POMT1: variants seen among roughly 807,000 people sequenced by gnomAD.
The protein encoded by POMT1 is protein O-mannosyltransferase 1, also known as protein O-mannosyl-transferase 1.
A neutral mutation model predicts 101.6 loss-of-function variants in POMT1; 85 were observed. The ratio of observed to expected loss-of-function variants is 0.84; its 90% CI spans 0.70 to 1.00. POMT1 has a LOEUF of 1.00. Among genes scored for constraint, POMT1 ranks in the 50% least tolerant of loss-of-function variants. The pLI is 0.00. For synonymous variants in POMT1, 371 were observed against 383.0 expected, an observed-to-expected ratio of 0.97 and a Z score of 0.37; for missense variants, 857 against 930.4, an observed-to-expected ratio of 0.92 and a Z score of 1.03.
Position 131,523,087 on chromosome 9 carries a change from T to C in POMT1, c.2159T>C (p.Ile720Thr), listed in dbSNP as rs1950295000. The C allele has an allele frequency of 1.2e-6, 2 of 1,611,398 alleles. No homozygotes were observed. Among genetic ancestry groups the C allele is most frequent in the African/African-American group, 2.7e-5 (2 of 74,986 alleles). ...CTTCGCTGGAAAGACAGCTGGGACA[T>C]CTTGATCCGAAAACACTAGAACAAG... The part of the protein sequence containing the change: ...KALRWKDSWD[I>T]LIRKH Residue 720 changes from isoleucine to threonine, a missense_variant, in exon 20 of 20, where the codon ATC (isoleucine) becomes ACC (threonine). Transcript: ENST00000402686.
intron 6 of POMT1, 55 bp from the exon 7 acceptor site, chr9:131,509,688 T>C (rs1946663307): frequency 6.2e-7 from 1 of 1,613,930 alleles, no homozygotes; most frequent in Non-Finnish European, 8.5e-7. Context: ...TTCACTAGCC[T>C]TTTGGAAATG....
Position 131,506,450 on chromosome 9 carries a change from G to A in POMT1, c.277G>A (p.Ala93Thr). Residue 93 changes from alanine to threonine, a missense_variant, in exon 4 of 20, where the codon GCA becomes ACA. Physicochemically the swap from Ala to Thr is moderately conservative, Grantham distance 58. Coordinates refer to ENST00000402686, the MANE Select transcript of POMT1 (RefSeq NM_001077365.2). ...CAATTTTTTGTGGAACAGAATTGGA[G>A]CAGGTAAAAGATAATTTTCATTTCC... is the stretch of plus-strand genomic sequence containing the variant. Reference protein sequence around the residue: ...DGNFLWNRIGAEYSSNVPVWS... With the variant: ...DGNFLWNRIGTEYSSNVPVWS... The A allele has an allele frequency of 6.2e-7, 1 of 1,609,890 alleles. No individual in the cohort carries two copies. The highest frequency in any genetic ancestry group is 1.1e-5 in the South Asian group (1 of 90,960).
Position 131,521,480 on chromosome 9 carries a change from C to G in POMT1, c.1825+8C>G. The stretch of plus-strand genomic sequence containing the variant: ...TCCATGACCTCCCTCAGGGTTAGTA[C>G]CTCTCCCACATGGCTTTCTTTCTTT... On this transcript the variant is annotated splice_region_variant and intron_variant, in intron 18 of 19. Transcript: ENST00000402686. 1 of 1,613,556 alleles carries G rather than the reference C, an allele frequency of 6.2e-7. No individual in the cohort carries two copies. The highest frequency in any genetic ancestry group is 8.5e-7 in the Non-Finnish European group (1 of 1,179,652).
intron 12 of POMT1, among the ~76,000 whole-genome samples, 167 bp downstream of exon 12, chr9:131,513,498 C>T (rs1346104741): frequency 6.6e-6 from 1 of 152,168 alleles, no homozygotes; most frequent in Non-Finnish European, 1.5e-5. Context: ...GGACCCAGGC[C>T]TGGCCGCGGA....
intron 4 of POMT1, chr9:131,506,728 A>C (rs1050428591): frequency 4.3e-6 from 2 of 466,444 alleles, no homozygotes; most frequent in Non-Finnish European, 7.8e-6. Flanking sequence ...GATTGTGATG[A>C]TCGGTTGTAC....
Position 131,518,924 on chromosome 9 carries a change from G to A in POMT1, c.1453G>A (p.Val485Met). 6.2e-7 allele frequency: 1 copy of A among 1,613,790 alleles called. No homozygotes were observed. Among genetic ancestry groups the A allele is most frequent in the South Asian group, 1.1e-5 (1 of 91,088 alleles). ...GTCCCGGGGCTACCACGGGAGCACG[G>A]TGTGGAACGTGGAGGAGCACCGATA... is the stretch of plus-strand genomic sequence containing the variant. ...KLSRGYHGST[V>M]WNVEEHRYGA... Residue 485 changes from valine to methionine, a missense_variant, in exon 15 of 20, where the codon GTG becomes ATG. Coordinates refer to ENST00000402686, the MANE Select transcript of POMT1 (RefSeq NM_001077365.2).
Position 131,512,801 on chromosome 9 carries a change from G to A in POMT1, c.1083-438G>A, listed in dbSNP as rs367636590. 5.9e-5 allele frequency among the ~76,000 whole-genome samples: 9 copies of A among 152,158 alleles called. No homozygotes were observed. In the East Asian group the frequency reaches 1.2e-3, roughly 20 times the overall value. ...TAATTTTTGTATTTTTAGTAGAGAC[G>A]GGGTTTCACCATGTTGGCCAGGCTG... On this transcript the variant is annotated intron_variant, in intron 11 of 19. Transcript: ENST00000402686.
chr9:131,513,428 C>T (rs959591437), intron 12 of POMT1, 97 bp downstream of exon 12: 17 of 1,099,060 alleles, frequency 1.5e-5, no homozygotes, highest in Non-Finnish European at 2.0e-5. Flanking sequence ...GCCGCTGCCC[C>T]CTGTCTACCC....
intron 12 of POMT1, 63 bp from the exon 13 acceptor site, chr9:131,515,363 T>C: frequency 6.6e-7 from 1 of 1,514,460 alleles, no homozygotes; most frequent in Non-Finnish European, 9.2e-7. Flanking sequence ...GCCTGAAAGA[T>C]TTAGTAATTG....
intron 17 of POMT1, among the ~76,000 whole-genome samples, chr9:131,520,829 G>C (rs956405715): frequency 6.6e-6 from 1 of 151,308 alleles, no homozygotes; most frequent in African/African-American, 2.4e-5. Flanking sequence ...CATCAGTGCT[G>C]TGTGTGTGTG....
Position 131,503,186 on chromosome 9 carries a change from T to TGAAA in POMT1, c.-31+113_-31+114insGAAA, listed in dbSNP as rs1944935187. ...GGCTGGGGCCGGGGGCGTCCCCGTC[T>TGAAA]TTCCGGAGCTGGGGGCGGGGTTCGG... On this transcript the variant is annotated intron_variant, in intron 1 of 19. Coordinates refer to ENST00000402686, the MANE Select transcript of POMT1 (RefSeq NM_001077365.2). The surrounding 1 kb of genome is among the most constrained non-coding windows in gnomAD (Gnocchi z 4.4). The TGAAA allele has an allele frequency of 6.6e-6, 1 of 152,258 alleles. No homozygotes were observed. The highest frequency in any genetic ancestry group is 1.5e-5 in the Non-Finnish European group (1 of 68,100). 9.4% of individuals were successfully genotyped at this position (152,258 alleles called of 1,614,324 possible).
chr9:131,507,211 A>G (rs1196471785), intron 4 of POMT1, 157 bp from the exon 5 acceptor site: 34 of 1,013,522 alleles, frequency 3.4e-5, no homozygotes, highest in Non-Finnish European at 4.8e-5. Flanking sequence ...GCCTTCACCC[A>G]TAGTTTATGC....
rs542286917 is a variant in POMT1 at position 131,507,258 on chromosome 9, T to C, written c.281-110T>C. 4.5e-6 allele frequency: 7 copies of C among 1,547,222 alleles called. No homozygotes were observed. The African/African-American group carries it at 8.1e-5, about 18-fold the overall frequency. ...GATGGGGTCCCCAGTTTTGTAAACG[T>C]GCATTTTAGAGTCTGTGAACATGAC... On this transcript the variant is annotated intron_variant, in intron 4 of 19. Coordinates refer to ENST00000402686, the MANE Select transcript of POMT1 (RefSeq NM_001077365.2).
rs763463439 is a variant in POMT1, at chr9:131,515,446, T to C, written c.1196T>C (p.Leu399Pro). 6.2e-7 allele frequency: 1 copy of C among 1,614,136 alleles called. No homozygotes were observed. Among genetic ancestry groups the C allele is most frequent in the South Asian group, 1.1e-5 (1 of 91,062 alleles). ...SLNTHDVAAPLSPHSQEVSCY... is the reference protein window; with the variant it reads ...SLNTHDVAAPPSPHSQEVSCY... ...TCCAGGCATGATGTTGCAGCCCCCCTGAGCCCCCATTCACAGGAGGTCTCC... is the reference window on the plus strand; with the variant it reads ...TCCAGGCATGATGTTGCAGCCCCCCCGAGCCCCCATTCACAGGAGGTCTCC... The change falls in exon 13 of 20, where the codon CTG (leucine) becomes CCG (proline). Residue 399 changes from leucine to proline, a missense_variant. Coordinates refer to ENST00000402686, the MANE Select transcript of POMT1 (RefSeq NM_001077365.2).
At chr9:131,517,908 G>A (rs1047193218) in intron 13 of POMT1, among the ~76,000 whole-genome samples, 3 of 152,266 alleles carry the variant, frequency 2.0e-5, no homozygotes, top group African/African-American at 7.2e-5. Context: ...GGTTGTGACA[G>A]TATGGGAAAA....
At chr9:131,510,234 A>G (rs766484490) in intron 8 of POMT1, 26 bp from the exon 9 acceptor site, 4 of 1,614,052 alleles carry the variant, frequency 2.5e-6, no homozygotes, top group South Asian at 1.1e-5. Flanking sequence ...GCAGTGGAAC[A>G]TGACTTTTCT....
intron 4 of POMT1, among the ~76,000 whole-genome samples, chr9:131,506,928 G>A (rs1339080859): frequency 1.3e-5 from 2 of 152,112 alleles, no homozygotes; most frequent in Admixed American, 6.5e-5. Context: ...TTAGCCGGGC[G>A]TGGTGGCGGG....
At chr9:131,513,849 C>T (rs1947683810) in intron 12 of POMT1, among the ~76,000 whole-genome samples, 1 of 152,148 alleles carries the variant, frequency 6.6e-6, no homozygotes, top group Non-Finnish European at 1.5e-5. Context: ...CTCTCTCCAC[C>T]GCCTCCTTTT....
At position 131,513,264 on chromosome 9, in the gene POMT1, C is replaced by A; in HGVS notation, c.1108C>A (p.Pro370Thr). 7.4e-6 allele frequency: 12 copies of A among 1,613,106 alleles called. No individual in the cohort carries two copies. Among genetic ancestry groups the A allele is most frequent in the Non-Finnish European group, 1.0e-5 (12 of 1,180,002 alleles). Reference sequence around the variant, plus strand: ...GCACCAGCTGGTGGTGAGCAGCCCTCCGAGACCTGTGAGGCACGGGGACAT... The same window carrying A: ...GCACCAGCTGGTGGTGAGCAGCCCTACGAGACCTGTGAGGCACGGGGACAT... ...RRHQLVVSSP[P>T]RPVRHGDMVQ... The change falls in exon 12 of 20, where the codon CCG becomes ACG. Residue 370 changes from proline (P) to threonine (T), a missense_variant. Coordinates refer to ENST00000402686, the MANE Select transcript of POMT1 (RefSeq NM_001077365.2).
Sources: gnomAD v4.1 joint callset for allele counts (sites outside exome capture counted in the v4.1 genomes callset) on GRCh38, gnomAD v4.1.1 for gene constraint, Gnocchi (gnomAD v3.1) non-coding constraint, MANE v1.5 for transcripts, NCBI Gene and HGNC (gene_info 2026-07-23, HGNC 2026-07-21) for gene names.